Variants in KRT5 observed in about 807,000 individuals in gnomAD.
KRT5 encodes keratin 5, also known as keratin, type II cytoskeletal 5.
KRT5 carries 17 observed loss-of-function variants against 44.0 expected under a neutral mutation model. The observed-to-expected ratio is 0.39, with a 90% CI of 0.26 to 0.58. The LOEUF (loss-of-function observed/expected upper bound fraction) is 0.58, where lower values mean the gene tolerates loss of function less well. Ranked by LOEUF, KRT5 falls within the 20% of genes least tolerant of loss-of-function variation. The pLI is 0.61. For missense variants in KRT5, 737 were observed against 785.5 expected (o/e 0.94, Z 0.74); for synonymous variants, 329 against 312.8 (o/e 1.05, Z -0.55).
chr12:52,517,747 G>A lies in KRT5; in HGVS notation c.935C>T (p.Ser312Phe). 3 of 1,614,226 alleles carry A rather than the reference G, an allele frequency of 1.9e-6. No individual in the cohort carries two copies. The highest frequency in any genetic ancestry group is 8.5e-7 in the Non-Finnish European group (1 of 1,180,040). The part of the protein sequence containing the change: ...FMKMFFDAEL[S>F]QMQTHVSDTS... ...GTCAGAGACATGCGTCTGCATCTGG[G>A]ACAGCTCCTGCAGGGAGATTTGGAG... The change falls in exon 5 of 9, where the codon TCC becomes TTC. Residue 312 changes from serine (S) to phenylalanine (F), a missense_variant. Ser to Phe is a radical substitution (Grantham distance 155). This residue lies in a region of KRT5 where 59 missense variants were observed against 62.5 expected (regional missense o/e 0.94). Transcript: ENST00000252242.
Position 52,518,997 on chromosome 12 carries a change from A to G in KRT5, c.719T>C (p.Leu240Pro), listed in dbSNP as rs142744029. Residue 240 changes from leucine to proline, a missense_variant, in exon 2 of 9, where the codon CTG becomes CCG. Around this residue, in one of 5 missense-constraint regions of KRT5, gnomAD observed 326 missense variants for 333.1 expected, o/e 0.98. Coordinates refer to ENST00000252242, the MANE Select transcript of KRT5 (RefSeq NM_000424.4). Reference protein sequence around the residue: ...LDSIVGERGRLDSELRNMQDL... With the variant: ...LDSIVGERGRPDSELRNMQDL... ...CTGCATGTTTCTCAGCTCTGAGTCC[A>G]GGCGGCCCCGTTCCCCCACGATGCT... is the stretch of plus-strand genomic sequence containing the variant. The G allele has an allele frequency of 3.7e-6, 6 of 1,614,040 alleles. No homozygotes were observed. The highest frequency in any genetic ancestry group is 5.1e-6 in the Non-Finnish European group (6 of 1,180,040).
Position 52,515,787 on chromosome 12 carries a change from A to G in KRT5, c.1474+11T>C. The G allele has an allele frequency of 6.2e-7, 1 of 1,607,722 alleles. No homozygotes were observed. Reference sequence around the variant, plus strand: ...TATTGTCGTTGTTAATGTCTGTTCAAAGCTACTTACAGATGTTGACTGGTC... The same window carrying G: ...TATTGTCGTTGTTAATGTCTGTTCAGAGCTACTTACAGATGTTGACTGGTC... On this transcript the variant is annotated intron_variant, in intron 8 of 8. Transcript: ENST00000252242.
At chr12:52,517,562 C>T (rs1485696165) in intron 5 of KRT5, 28 bp downstream of exon 5, 1 of 1,607,426 alleles carries the variant, frequency 6.2e-7, no homozygotes, top group Non-Finnish European at 8.5e-7. Flanking sequence ...TGTCCCCTCA[C>T]TCAGGAGACA....
chr12:52,518,639 C>A, intron 2 of KRT5: 1 of 570,846 alleles, frequency 1.8e-6, no homozygotes, highest in South Asian at 1.9e-5. Flanking sequence ...GCCCATGTAC[C>A]GGGGAGGAAA....
At position 52,514,899 on chromosome 12, in the gene KRT5, G is replaced by A; in HGVS notation, c.*43C>T. ...TGCCTAGAAGAGGCAATCTCCATGG[G>A]CTGGGTTGCTGCACTTGGAAGGCAG... On this transcript the variant is annotated 3_prime_UTR_variant, in exon 9 of 9. Coordinates refer to ENST00000252242, the MANE Select transcript of KRT5 (RefSeq NM_000424.4). 1.3e-6 allele frequency: 2 copies of A among 1,546,752 alleles called. No individual in the cohort carries two copies. The highest frequency in any genetic ancestry group is 1.8e-4 in the Middle Eastern group (1 of 5,506).
intron 7 of KRT5, 152 bp from the exon 8 acceptor site, chr12:52,515,984 T>G: frequency 2.9e-6 from 2 of 686,224 alleles, no homozygotes; most frequent in Admixed American, 2.3e-5. Flanking sequence ...AAGGGAGAAC[T>G]CTCCAGAGGG....
Position 52,520,069 on chromosome 12 carries a change from G to C in KRT5, c.228C>G (p.Ile76Met). The change falls in exon 1 of 9, where the codon ATC (isoleucine) becomes ATG (methionine). Residue 76 changes from isoleucine (I) to methionine (M), a missense_variant. Around this residue, in one of 5 missense-constraint regions of KRT5, gnomAD observed 326 missense variants for 333.1 expected, o/e 0.98. Coordinates refer to ENST00000252242, the MANE Select transcript of KRT5 (RefSeq NM_000424.4). ...TCCTGAAGCTGCCACCACTAGTGCT[G>C]ATGGATATCCTCTTGGAGCCCCCCA... The part of the protein sequence containing the change: ...YNLGGSKRIS[I>M]STSGGSFRNR... 1 of 1,614,118 alleles carries C rather than the reference G, an allele frequency of 6.2e-7. No homozygotes were observed. The highest frequency in any genetic ancestry group is 2.2e-5 in the East Asian group (1 of 44,882).
chr12:52,514,763 G>A lies in KRT5; in HGVS notation c.*179C>T, dbSNP rs190508502. Reference sequence around the variant, plus strand: ...GAAGCAGAATATAGAACTGCGGCACGGGAGACCAGGGGCTGGGAATGGGGC... The same window carrying A: ...GAAGCAGAATATAGAACTGCGGCACAGGAGACCAGGGGCTGGGAATGGGGC... On this transcript the variant is annotated 3_prime_UTR_variant, in exon 9 of 9. Coordinates refer to ENST00000252242, the MANE Select transcript of KRT5 (RefSeq NM_000424.4). 11 of 628,526 alleles carry A rather than the reference G, an allele frequency of 1.8e-5. No homozygotes were observed. The highest frequency in any genetic ancestry group is 7.8e-5 in the South Asian group (4 of 51,022). 38.9% of individuals were successfully genotyped at this position (628,526 alleles called of 1,614,324 possible).
intron 7 of KRT5, 159 bp from the exon 8 acceptor site, chr12:52,515,991 A>G (rs1938604173): frequency 4.4e-6 from 3 of 676,328 alleles, no homozygotes; most frequent in Non-Finnish European, 8.1e-6. Context: ...AACTCTCCAG[A>G]GGGATTTTCC....
rs556695887 is a variant in KRT5, at chr12:52,519,754, G to C, written c.543C>G (p.Ser181=). Residue 181 remains serine (S), a synonymous_variant, in exon 1 of 9, where the codon TCC becomes TCG. Coordinates refer to ENST00000252242, the MANE Select transcript of KRT5 (RefSeq NM_000424.4). The part of the protein sequence containing the change: ...QIKTLNNKFA[S]FIDKVRFLEQ... ...GATCGTAGCTCACCTTGTCGATGAA[G>C]GAGGCAAACTTATTGTTGAGGGTCT... 6.2e-7 allele frequency: 1 copy of C among 1,613,908 alleles called. No individual in the cohort carries two copies. Among genetic ancestry groups the C allele is most frequent in the South Asian group, 1.1e-5 (1 of 91,058 alleles).
At chr12:52,519,585 G>A (rs549952624) in intron 1 of KRT5, 157 bp downstream of exon 1, 59 of 847,452 alleles carry the variant, frequency 7.0e-5, no homozygotes, top group South Asian at 2.7e-4. Flanking sequence ...GTCTAATTCA[G>A]AACGTGTCCA....
intron 2 of KRT5, chr12:52,518,378 T>G (rs1938651212): frequency 4.4e-6 from 3 of 675,054 alleles, no homozygotes; most frequent in Non-Finnish European, 2.7e-6. Context: ...ATAATAATTC[T>G]ATTATTGCTC....
In KRT5 at chr12:52,515,120, T is replaced by C. The variant is rs1338717205; in HGVS notation, c.1595A>G (p.Tyr532Cys). ...GGLAGGSSGS[Y>C]YSSSSGGVGL... Reference sequence around the variant, plus strand: ...GACACCCCCACTGCTGCTGGAGTAGTAGCTTCCACTGCTACCTCCGGCAAG... The same window carrying C: ...GACACCCCCACTGCTGCTGGAGTAGCAGCTTCCACTGCTACCTCCGGCAAG... Residue 532 changes from tyrosine (Y) to cysteine (C), a missense_variant, in exon 9 of 9, where the codon TAC becomes TGC. Transcript: ENST00000252242. The C allele has an allele frequency of 3.1e-6, 5 of 1,610,796 alleles. No individual in the cohort carries two copies. The highest frequency in any genetic ancestry group is 1.1e-5 in the South Asian group (1 of 90,794).
rs1047343874 is a variant in KRT5 at position 52,520,219 on chromosome 12, A to C, written c.78T>G (p.Ser26=). 28 of 1,614,120 alleles carry C rather than the reference A, an allele frequency of 1.7e-5. No individual in the cohort carries two copies. The highest frequency in any genetic ancestry group is 2.4e-5 in the Non-Finnish European group (28 of 1,180,030). The change falls in exon 1 of 9, where the codon TCT becomes TCG. Residue 26 remains serine, a synonymous_variant. Coordinates refer to ENST00000252242, the MANE Select transcript of KRT5 (RefSeq NM_000424.4). ...SFSTASAITP[S]VSRTSFTSVS... ...CGGAGGTGAAGCTGGTGCGGGAGAC[A>C]GACGGGGTGATGGCAGAGGCGGTGC... is the stretch of plus-strand genomic sequence containing the variant.
At chr12:52,515,617 C>A in intron 8 of KRT5, 181 bp downstream of exon 8, 1 of 681,236 alleles carries the variant, frequency 1.5e-6, no homozygotes, top group South Asian at 1.7e-5. Context: ...ACATAAGCCA[C>A]ATTGCTTCCT....
Position 52,519,972 on chromosome 12 carries a change from C to T in KRT5, c.325G>A (p.Gly109Ser), listed in dbSNP as rs753671394. ...GGAGSGFGFG[G>S]GAGGGFGLGG... ...AGCCCAAAGCCACCACCAGCTCCAC[C>T]GCCGAAACCAAATCCACTACCGGCA... Residue 109 changes from glycine to serine, a missense_variant, in exon 1 of 9, where the codon GGT (glycine) becomes AGT (serine). By Grantham distance (56) the Gly-to-Ser change is moderately conservative. Coordinates refer to ENST00000252242, the MANE Select transcript of KRT5 (RefSeq NM_000424.4). 1.1e-5 allele frequency: 18 copies of T among 1,612,582 alleles called. No individual in the cohort carries two copies. The highest frequency in any genetic ancestry group is 2.2e-5 in the South Asian group (2 of 90,906).
At position 52,516,811 on chromosome 12, in the gene KRT5, T is replaced by C. The variant is rs767993231; in HGVS notation, c.1265A>G (p.Glu422Gly). 3 of 1,613,988 alleles carry C rather than the reference T, an allele frequency of 1.9e-6. No homozygotes were observed. Among genetic ancestry groups the C allele is most frequent in the African/African-American group, 2.7e-5 (2 of 74,894 alleles). The change falls in exon 7 of 9, where the codon GAG becomes GGG. Residue 422 changes from glutamate (E) to glycine (G), a missense_variant. Around this residue, in one of 5 missense-constraint regions of KRT5, gnomAD observed 344 missense variants for 351.6 expected, o/e 0.98. Coordinates refer to ENST00000252242, the MANE Select transcript of KRT5 (RefSeq NM_000424.4). ...GTTCCTGGCATCCTTGAGGGCCAGC[T>C]CCCCACGCTGCTCGGCATCCGCAAT... ...NAIADAEQRG[E>G]LALKDARNKL...
At position 52,520,187 on chromosome 12, in the gene KRT5, C is replaced by A. The variant is rs61747181; in HGVS notation, c.110G>T (p.Arg37Leu). The A allele has an allele frequency of 4.0e-5, 64 of 1,613,946 alleles. No individual in the cohort carries two copies. Among genetic ancestry groups the A allele is most frequent in the South Asian group, 5.5e-5 (5 of 91,064 alleles). ...VSRTSFTSVS[R>L]SGGGGGGGFG... Reference sequence around the variant, plus strand: ...GCCACCACCACCGCCACCCCCGGACCGGGACACGGAGGTGAAGCTGGTGCG... The same window carrying A: ...GCCACCACCACCGCCACCCCCGGACAGGGACACGGAGGTGAAGCTGGTGCG... Residue 37 changes from arginine to leucine, a missense_variant, in exon 1 of 9, where the codon CGG becomes CTG. Arg to Leu is a moderately radical substitution (Grantham distance 102, BLOSUM62 -2). Coordinates refer to ENST00000252242, the MANE Select transcript of KRT5 (RefSeq NM_000424.4).
intron 6 of KRT5, 81 bp downstream of exon 6, chr12:52,517,026 A>G: frequency 6.3e-7 from 1 of 1,585,942 alleles, no homozygotes; most frequent in African/African-American, 1.3e-5. Context: ...GTGTTTAGCA[A>G]AAGTAAAACA....
Sources: allele counts gnomAD v4.1 joint callset, GRCh38; gene constraint gnomAD v4.1.1; regional missense constraint gnomAD v4.1.1; transcripts MANE v1.5; gene names NCBI Gene and HGNC (gene_info 2026-07-23, HGNC 2026-07-21).